The following PEAK1 variants were observed in gnomAD, a reference collection of about 807,000 sequenced individuals.
PEAK1 encodes the protein inactive tyrosine-protein kinase PEAK1.
PEAK1 carries 54 observed loss-of-function variants against 124.7 expected under a neutral mutation model. That is an observed-to-expected ratio of 0.43 (90% CI 0.35 to 0.54). The LOEUF is 0.54. Among genes scored for constraint, PEAK1 ranks in the 20% least tolerant of loss-of-function variants. PEAK1 has a pLI of 0.01. For missense variants in PEAK1, 2,046 were observed against 2,134.5 expected (o/e 0.96, Z 0.82); for synonymous variants, 719 against 760.0 (o/e 0.95, Z 0.89).
chr15:77,146,130 C>T (rs1187117492), intron 8 of PEAK1, among the ~76,000 whole-genome samples: 1 of 152,190 alleles, frequency 6.6e-6, no homozygotes, highest in East Asian at 1.9e-4. Context: ...AAACCACACA[C>T]CATCACTGTG....
chr15:77,345,635 A>G (rs1222658745), intron 2 of PEAK1, among the ~76,000 whole-genome samples: 1 of 152,246 alleles, frequency 6.6e-6, no homozygotes, highest in Non-Finnish European at 1.5e-5. Context: ...TATACAACCC[A>G]GAATTGGTAT....
At chr15:77,341,431 C>G (rs1223751120) in intron 2 of PEAK1, among the ~76,000 whole-genome samples, 12 of 151,718 alleles carry the variant, frequency 7.9e-5, no homozygotes, top group Non-Finnish European at 1.8e-4. Context: ...ACCCGGGAGG[C>G]AGAGGTTGCA....
At chr15:77,151,635 T>C (rs1482320972) in intron 8 of PEAK1, among the ~76,000 whole-genome samples, 2 of 152,206 alleles carry the variant, frequency 1.3e-5, no homozygotes, top group African/African-American at 4.8e-5. Flanking sequence ...AGGGTTTTTA[T>C]GGTTTTAGGT....
chr15:77,332,932 G>T, intron 2 of PEAK1: 1 of 329,086 alleles, frequency 3.0e-6, no homozygotes, highest in Non-Finnish European at 4.3e-6. Flanking sequence ...CACATTTATT[G>T]GTTGATTTTG....
At chr15:77,237,360 C>T (rs2060167253) in intron 6 of PEAK1, among the ~76,000 whole-genome samples, 1 of 151,656 alleles carries the variant, frequency 6.6e-6, no homozygotes, top group African/African-American at 2.4e-5. Context: ...ATGTAGGGCT[C>T]TTGGCATCAT....
chr15:77,133,260 T>G lies in PEAK1; in HGVS notation c.3822A>C (p.Gln1274His), dbSNP rs539237221. The change falls in exon 9 of 10, where the codon CAA (glutamine) becomes CAC (histidine). Residue 1274 changes from glutamine (Q) to histidine (H), a missense_variant. Physicochemically the swap from Gln to His is conservative, Grantham distance 24. Transcript: ENST00000682557. This position sits in a 1 kb window ranked among gnomAD's most constrained non-coding sequence, Gnocchi z 4.2. ...QGRGIQKPQRQALYRGLENRE... is the reference protein window; with the variant it reads ...QGRGIQKPQRHALYRGLENRE... Reference sequence around the variant, plus strand: ...GATTCTCAAGTCCTCGATAAAGTGCTTGTCTCTGCGGCTTCTGGATGCCTC... The same window carrying G: ...GATTCTCAAGTCCTCGATAAAGTGCGTGTCTCTGCGGCTTCTGGATGCCTC... 393 of 1,614,242 alleles carry G rather than the reference T, an allele frequency of 2.4e-4. 3 individuals are homozygous for G. The South Asian group carries it at 3.8e-3, about 16-fold the overall frequency.
intron 6 of PEAK1, among the ~76,000 whole-genome samples, chr15:77,228,133 T>C (rs890796340): frequency 6.6e-6 from 1 of 152,028 alleles, no homozygotes; most frequent in African/African-American, 2.4e-5. Context: ...ATTATTATTA[T>C]ACTATAAGTT....
chr15:77,322,383 T>C (rs1005819388), intron 2 of PEAK1, among the ~76,000 whole-genome samples: 2 of 151,848 alleles, frequency 1.3e-5, no homozygotes, highest in African/African-American at 4.8e-5. Context: ...GACCGCTAGC[T>C]AGACTAATAA....
chr15:77,325,989 T>C (rs927093989), intron 2 of PEAK1, among the ~76,000 whole-genome samples: 5 of 152,064 alleles, frequency 3.3e-5, no homozygotes, highest in African/African-American at 1.2e-4. Context: ...AACATAACCA[T>C]AGACTACTCT....
intron 6 of PEAK1, among the ~76,000 whole-genome samples, chr15:77,219,343 A>G (rs1476149917): frequency 6.6e-6 from 1 of 152,156 alleles, no homozygotes; most frequent in African/African-American, 2.4e-5. Context: ...TAAGATTTTT[A>G]AAGTTATTTG....
At chr15:77,402,466 C>T (rs1371348544) in intron 1 of PEAK1, 16 of 983,078 alleles carry the variant, frequency 1.6e-5, no homozygotes, top group Admixed American at 6.2e-5. Flanking sequence ...TAGTAATGTG[C>T]CATATTTTCT....
At chr15:77,399,025 T>A (rs940260709) in intron 1 of PEAK1, among the ~76,000 whole-genome samples, 5 of 151,256 alleles carry the variant, frequency 3.3e-5, no homozygotes, top group Non-Finnish European at 7.4e-5. Context: ...TACAAATAAA[T>A]AAAATACCTA....
intron 2 of PEAK1, among the ~76,000 whole-genome samples, chr15:77,341,813 C>T (rs2066553372): frequency 6.6e-6 from 1 of 152,074 alleles, no homozygotes; most frequent in Non-Finnish European, 1.5e-5. Flanking sequence ...AAAGACAAGA[C>T]AAATTATTTA....
At position 77,283,893 on chromosome 15, in the gene PEAK1, C is replaced by G; in HGVS notation, c.-285G>C. On this transcript the variant is annotated 5_prime_UTR_variant, in exon 5 of 10. Coordinates refer to ENST00000682557, the MANE Select transcript of PEAK1 (RefSeq NM_001385026.1). ...TTGCCACTTCCTTACCTCTTTGTTA[C>G]TGTTATTTATATAGCTGTAGTCATT... 1 of 981,532 alleles carries G rather than the reference C, an allele frequency of 1.0e-6. No individual in the cohort carries two copies. Among genetic ancestry groups the G allele is most frequent in the Non-Finnish European group, 1.2e-6 (1 of 826,350 alleles). 60.8% of individuals were successfully genotyped at this position (981,532 alleles called of 1,614,324 possible).
chr15:77,153,290 G>T (rs2054822695), intron 8 of PEAK1, among the ~76,000 whole-genome samples: 1 of 152,194 alleles, frequency 6.6e-6, no homozygotes, highest in Non-Finnish European at 1.5e-5. Flanking sequence ...GGTGTCTGTA[G>T]TATTCTCTGA....
rs553078376 is a variant in PEAK1, at chr15:77,361,137, T to C, written c.-603+4026A>G. The stretch of plus-strand genomic sequence containing the variant: ...CTACTCACCCCACAGGAGATTAATA[T>C]CCAGAATATACAAGGACAAACATAT... On this transcript the variant is annotated intron_variant, in intron 2 of 9. Coordinates refer to ENST00000682557, the MANE Select transcript of PEAK1 (RefSeq NM_001385026.1). 4.4e-3 allele frequency among the ~76,000 whole-genome samples: 677 copies of C among 152,136 alleles called. 2 individuals are homozygous for C. Among genetic ancestry groups the C allele is most frequent in the South Asian group, 7.7e-3 (37 of 4,808 alleles).
intron 5 of PEAK1, among the ~76,000 whole-genome samples, chr15:77,256,858 TA>T (rs2061169139): frequency 6.6e-6 from 1 of 152,044 alleles, no homozygotes; most frequent in Non-Finnish European, 1.5e-5. Flanking sequence ...CTATATCTCC[TA>T]ATGCTATCCC....
At chr15:77,196,710 A>T (rs2058120397) in intron 6 of PEAK1, among the ~76,000 whole-genome samples, 1 of 152,204 alleles carries the variant, frequency 6.6e-6, no homozygotes, top group African/African-American at 2.4e-5. Context: ...ATCAACTTGG[A>T]AGGAAACATC....
Position 77,136,996 on chromosome 15 carries a change from C to T in PEAK1, c.3332-3246G>A, listed in dbSNP as rs895630256. ...TTGGTGCCCTGTATCTTAACCACTC[C>T]AGCCATGGCTGAAAGGGGCCACTGT... On this transcript the variant is annotated intron_variant, in intron 8 of 9. Coordinates refer to ENST00000682557, the MANE Select transcript of PEAK1 (RefSeq NM_001385026.1). Among the ~76,000 whole-genome samples the T allele has an allele frequency of 3.3e-5, 5 of 152,220 alleles. 1 individual carries two copies. The highest frequency in any genetic ancestry group is 3.3e-4 in the Admixed American group (5 of 15,274).
Sources: allele counts gnomAD v4.1 joint callset (sites outside exome capture counted in the v4.1 genomes callset), GRCh38; gene constraint gnomAD v4.1.1; non-coding constraint Gnocchi (gnomAD v3.1); transcripts MANE v1.5; gene names NCBI Gene and HGNC (gene_info 2026-07-23, HGNC 2026-07-21).